PRKG1: variants seen among roughly 807,000 people sequenced by gnomAD.
PRKG1 encodes cGMP-dependent protein kinase 1.
PRKG1 carries 35 observed loss-of-function variants against 88.1 expected under a neutral mutation model. The ratio of observed to expected loss-of-function variants is 0.40; its 90% CI spans 0.30 to 0.53. The LOEUF is 0.53. PRKG1 is among the 20% of genes least tolerant of loss of function. The pLI, the probability that PRKG1 is intolerant of heterozygous loss-of-function variation, is 0.59. For missense variants in PRKG1, 540 were observed against 839.8 expected (o/e 0.64, Z 4.41); for synonymous variants, 303 against 292.5 (o/e 1.04, Z -0.37).
At chr10:51,313,730 A>G (rs1199275272) in intron 2 of PRKG1, among the ~76,000 whole-genome samples, 2 of 152,134 alleles carry the variant, frequency 1.3e-5, no homozygotes, top group Admixed American at 6.5e-5. Flanking sequence ...TCAATTCTCT[A>G]AATAAAATAG....
At chr10:51,813,045 T>C (rs768257628) in intron 4 of PRKG1, among the ~76,000 whole-genome samples, 45 of 152,222 alleles carry the variant, frequency 3.0e-4, no homozygotes, top group Admixed American at 5.2e-4. Context: ...GTGTTGTTGA[T>C]GTTTCAAGTT....
intron 3 of PRKG1, among the ~76,000 whole-genome samples, chr10:51,668,075 T>C (rs956307064): frequency 1.3e-5 from 2 of 152,210 alleles, no homozygotes; most frequent in Non-Finnish European, 2.9e-5. Context: ...GCTGCCATTT[T>C]CTTGCTTGTA....
In PRKG1 at chr10:52,088,217, T is replaced by C. The variant is rs550114134; in HGVS notation, c.935+25586T>C. 2.6e-5 allele frequency among the ~76,000 whole-genome samples: 4 copies of C among 152,134 alleles called. No individual in the cohort carries two copies. The East Asian group carries it at 7.7e-4, about 29-fold the overall frequency. On this transcript the variant is annotated intron_variant, in intron 7 of 17. Coordinates refer to ENST00000373980, the MANE Select transcript of PRKG1 (RefSeq NM_006258.4). ...TGCCTTATTTTTTTAATTTAAAAATTTGAAAAACTTCACATCCACAAAAAT... is the reference window on the plus strand; with the variant it reads ...TGCCTTATTTTTTTAATTTAAAAATCTGAAAAACTTCACATCCACAAAAAT...
intron 4 of PRKG1, among the ~76,000 whole-genome samples, chr10:51,897,996 A>G (rs894775888): frequency 6.6e-6 from 1 of 151,548 alleles, no homozygotes; most frequent in Non-Finnish European, 1.5e-5. Context: ...ACCTGACCCC[A>G]CCCTTACCTC....
rs560217452 is a variant in PRKG1 at position 51,701,796 on chromosome 10, T to G, written c.593-102789T>G. Among the ~76,000 whole-genome samples the G allele has an allele frequency of 2.0e-5, 3 of 152,334 alleles. No homozygotes were observed. In the South Asian group the frequency reaches 6.2e-4, roughly 32 times the overall value. On this transcript the variant is annotated intron_variant, in intron 3 of 17. Coordinates refer to ENST00000373980, the MANE Select transcript of PRKG1 (RefSeq NM_006258.4). ...ATATGTTGCAAAATTCGTAGAAGAT[T>G]GCACATCTTGACAGAGTTTCTTTAC...
chr10:52,276,300 A>G (rs1263187504), intron 12 of PRKG1, among the ~76,000 whole-genome samples: 1 of 152,116 alleles, frequency 6.6e-6, no homozygotes, highest in African/African-American at 2.4e-5. Context: ...TTCTCCATTC[A>G]GTATTATGTT....
intron 3 of PRKG1, among the ~76,000 whole-genome samples, chr10:51,506,324 G>C (rs974214686): frequency 2.6e-5 from 4 of 152,004 alleles, no homozygotes; most frequent in Non-Finnish European, 5.9e-5. Context: ...TTAAACTAAA[G>C]AGCTTCTGCA....
intron 4 of PRKG1, among the ~76,000 whole-genome samples, chr10:51,813,826 C>T (rs1839517271): frequency 6.6e-6 from 1 of 152,096 alleles, no homozygotes; most frequent in Non-Finnish European, 1.5e-5. Context: ...TCTCAGTGCC[C>T]TCCTCCCAAA....
chr10:51,991,732 AG>A (rs1224943502), intron 5 of PRKG1, among the ~76,000 whole-genome samples: 3 of 152,220 alleles, frequency 2.0e-5, no homozygotes, highest in Admixed American at 2.0e-4. Context: ...ATGGCTGCAT[AG>A]TATTCCATGG....
intron 1 of PRKG1, among the ~76,000 whole-genome samples, chr10:51,040,901 T>C (rs1337882924): frequency 6.6e-6 from 1 of 152,206 alleles, no homozygotes. Context: ...CAGGTTTTTT[T>C]CACATATAAG....
chr10:52,180,833 C>T (rs1839004149), intron 9 of PRKG1, among the ~76,000 whole-genome samples: 1 of 152,106 alleles, frequency 6.6e-6, no homozygotes, highest in Non-Finnish European at 1.5e-5. Context: ...GTTACTCTGG[C>T]TGGGGGCATG....
intron 7 of PRKG1, among the ~76,000 whole-genome samples, chr10:52,102,233 A>G (rs1350826392): frequency 6.6e-6 from 1 of 152,200 alleles, no homozygotes; most frequent in East Asian, 1.9e-4. Context: ...GCCACCCAGA[A>G]CCCCATGAGT....
At chr10:52,054,678 C>A in intron 6 of PRKG1, 117 bp downstream of exon 6, 2 of 813,292 alleles carry the variant, frequency 2.5e-6, no homozygotes, top group Non-Finnish European at 3.9e-6. Flanking sequence ...TTTTTTGACA[C>A]AGAGAGGTAT....
rs769369870 is a variant in PRKG1, at chr10:50,991,688, G to C, written c.266+44G>C. ...GGCCCGGGCGCTCGTCCCGGCCCGC[G>C]GCGCAGAGGCTGGGGGCTCTGGCCG... On this transcript the variant is annotated intron_variant, in intron 1 of 17. Coordinates refer to the PRKG1 transcript ENST00000401604. This position sits in a 1 kb window ranked among gnomAD's most constrained non-coding sequence, Gnocchi z 4.5. 1.1e-4 allele frequency: 153 copies of C among 1,366,338 alleles called. No individual in the cohort carries two copies. In the African/African-American group the frequency reaches 1.5e-3, roughly 13 times the overall value. The allele number at this position is 1,366,338 out of a possible 1,614,324, so 84.6% of individuals were successfully genotyped here.
In PRKG1 at chr10:51,978,436, CTTT is replaced by C. The variant is rs34946662; in HGVS notation, c.762+70881_762+70883del. 6.4e-3 allele frequency among the ~76,000 whole-genome samples: 864 copies of C among 134,286 alleles called. 7 individuals are homozygous for C. Among genetic ancestry groups the C allele is most frequent in the African/African-American group, 0.02 (725 of 36,726 alleles). The allele number at this position is 134,286 out of a possible 152,430, so 88.1% of individuals were successfully genotyped here. A position where few individuals can be genotyped will look rare whatever the true frequency, so the allele number is the denominator to read the frequency against. The stretch of plus-strand genomic sequence containing the variant: ...TAGGATTGCCTTGGCCATTCGGGCT[CTTT>C]TTTTTTTTTTTTTTAGCTCCCTATG... On this transcript the variant is annotated intron_variant, in intron 5 of 17. Transcript: ENST00000373980.
chr10:51,812,750 G>A (rs1026961040), intron 4 of PRKG1, among the ~76,000 whole-genome samples: 2 of 151,994 alleles, frequency 1.3e-5, no homozygotes, highest in African/African-American at 4.8e-5. Context: ...AAGAGAAGAC[G>A]ACACTTCAAA....
chr10:50,997,332 CTTGTTCCAT>C (rs1173222792), intron 1 of PRKG1, among the ~76,000 whole-genome samples: 2 of 152,152 alleles, frequency 1.3e-5, no homozygotes, highest in African/African-American at 4.8e-5. Context: ...ACCAGGAGTT[CTTGTTCCAT>C]TTGAATTACC....
intron 3 of PRKG1, among the ~76,000 whole-genome samples, chr10:51,497,958 T>A (rs1244437576): frequency 6.6e-6 from 1 of 152,138 alleles, no homozygotes; most frequent in Non-Finnish European, 1.5e-5. Context: ...TCTACTAATA[T>A]GTATTAGTAT....
At chr10:52,029,415 G>A (rs574718705) in intron 5 of PRKG1, among the ~76,000 whole-genome samples, 3 of 152,246 alleles carry the variant, frequency 2.0e-5, no homozygotes, top group Non-Finnish European at 4.4e-5. Flanking sequence ...AAACATGAAA[G>A]TACTATTAGA....
Sources: gnomAD v4.1 joint callset for allele counts (sites outside exome capture counted in the v4.1 genomes callset) on GRCh38, gnomAD v4.1.1 for gene constraint, Gnocchi (gnomAD v3.1) non-coding constraint, MANE v1.5 for transcripts, NCBI Gene and HGNC (gene_info 2026-07-23, HGNC 2026-07-21) for gene names.